The following RARB variants were observed in gnomAD, a reference collection of about 807,000 sequenced individuals.
RARB encodes the protein HBV-activated protein.
A neutral mutation model predicts 51.9 loss-of-function variants in RARB; 17 were observed. That is an observed-to-expected ratio of 0.33 (90% CI 0.22 to 0.49). RARB has a LOEUF of 0.49. Ranked by LOEUF, RARB falls within the 20% of genes least tolerant of loss-of-function variation. The probability of loss-of-function intolerance (pLI) is 0.99; values close to 1 mark genes in which losing one functional copy is unlikely to be tolerated. For missense variants in RARB, 369 were observed against 550.8 expected (o/e 0.67, Z 3.30); for synonymous variants, 215 against 195.4 (o/e 1.10, Z -0.84).
intron 2 of RARB, among the ~76,000 whole-genome samples, chr3:25,496,657 A>G (rs1328256185): frequency 1.3e-5 from 2 of 152,232 alleles, no homozygotes; most frequent in African/African-American, 4.8e-5. Context: ...TTTAAGTATC[A>G]TCCTTGAATA....
At chr3:25,361,313 T>C (rs777720771) in intron 5 of RARB, among the ~76,000 whole-genome samples, 7 of 151,084 alleles carry the variant, frequency 4.6e-5, no homozygotes, top group Non-Finnish European at 8.8e-5. Flanking sequence ...TCTTGTGCTA[T>C]GTTTTTCAGC....
chr3:25,548,398 G>A lies in RARB; in HGVS notation c.449-21360G>A, dbSNP rs530603865. 3.3e-5 allele frequency among the ~76,000 whole-genome samples: 5 copies of A among 152,070 alleles called. No individual in the cohort carries two copies. In the South Asian group the frequency reaches 1.0e-3, roughly 32 times the overall value. On this transcript the variant is annotated intron_variant, in intron 3 of 7. Transcript: ENST00000330688. Reference sequence around the variant, plus strand: ...AATCTAATTTTCAATGTCATTTAATGTACTCTATTCAAGGTTATAATAGAT... The same window carrying A: ...AATCTAATTTTCAATGTCATTTAATATACTCTATTCAAGGTTATAATAGAT...
chr3:25,415,128 A>G (rs532229625), intron 5 of RARB, among the ~76,000 whole-genome samples: 28 of 152,132 alleles, frequency 1.8e-4, no homozygotes, highest in African/African-American at 6.5e-4. Context: ...GCTTTGCACT[A>G]TTTTTATCCT....
At chr3:25,301,381 G>A (rs1277467714) in intron 5 of RARB, among the ~76,000 whole-genome samples, 1 of 152,110 alleles carries the variant, frequency 6.6e-6, no homozygotes, top group African/African-American at 2.4e-5. Flanking sequence ...GGCAGCCCTA[G>A]GGCACTGTTG....
intron 4 of RARB, among the ~76,000 whole-genome samples, chr3:25,147,963 A>C (rs1340359575): frequency 2.0e-5 from 3 of 152,236 alleles, no homozygotes; most frequent in African/African-American, 7.2e-5. Flanking sequence ...AGGTAGGAAA[A>C]TATTGGAGGG....
rs1212536640 is a variant in RARB at position 24,958,258 on chromosome 3, T to TTG, written c.-380+99507_-380+99508insGT. On this transcript the variant is annotated intron_variant, in intron 2 of 11. Transcript: ENST00000383772. ...TGAAGCTTCCTGAGCTGCTCAGGTT[T>TTG]TTTTTTTTTTTTTTTTTTTTTTTTT... Among the ~76,000 whole-genome samples, 160 of 69,784 alleles carry TTG rather than the reference T, an allele frequency of 2.3e-3. 3 individuals carry two copies. Among genetic ancestry groups the TTG allele is most frequent in the African/African-American group, 0.014 (146 of 10,628 alleles). The allele number at this position is 69,784 out of a possible 152,430, so 45.8% of individuals were successfully genotyped here.
chr3:24,947,837 C>T (rs1200084965), intron 2 of RARB, among the ~76,000 whole-genome samples: 1 of 152,042 alleles, frequency 6.6e-6, no homozygotes, highest in Non-Finnish European at 1.5e-5. Context: ...GACTCTGGCC[C>T]AATTATTTAG....
intron 1 of RARB, among the ~76,000 whole-genome samples, chr3:25,458,606 G>A (rs1163528605): frequency 6.6e-6 from 1 of 152,134 alleles, no homozygotes; most frequent in Non-Finnish European, 1.5e-5. Context: ...TGCTGCCACT[G>A]TGCCAACTTA....
chr3:25,297,063 T>C (rs1164392605), intron 5 of RARB, among the ~76,000 whole-genome samples: 2 of 152,174 alleles, frequency 1.3e-5, no homozygotes, highest in Non-Finnish European at 2.9e-5. Context: ...AAGACCGAAG[T>C]CTTTTATCTG....
chr3:25,047,460 GA>G (rs1353607493), intron 2 of RARB, among the ~76,000 whole-genome samples: 1 of 152,076 alleles, frequency 6.6e-6, no homozygotes, highest in African/African-American at 2.4e-5. Context: ...CTGTGAAAAA[GA>G]AAAGGAGTTT....
At chr3:25,069,709 G>C (rs1043171753) in intron 3 of RARB, among the ~76,000 whole-genome samples, 2 of 152,292 alleles carry the variant, frequency 1.3e-5, no homozygotes, top group East Asian at 3.9e-4. Context: ...GAAAGCGGAG[G>C]GGGAGGCAGG....
chr3:25,441,378 C>T (rs1322457307), intron 1 of RARB: 8 of 253,614 alleles, frequency 3.2e-5, no homozygotes, highest in Non-Finnish European at 5.7e-5. Context: ...CGTATAAAGC[C>T]TAATTTCACG....
At chr3:25,581,204 T>C (rs1373540383) in intron 5 of RARB, among the ~76,000 whole-genome samples, 2 of 152,144 alleles carry the variant, frequency 1.3e-5, no homozygotes, top group African/African-American at 2.4e-5. Context: ...TGTGCTTAAT[T>C]ATAGTAACTG....
chr3:24,969,948 A>G (rs546359653), intron 2 of RARB, among the ~76,000 whole-genome samples: 1 of 152,112 alleles, frequency 6.6e-6, no homozygotes, highest in Non-Finnish European at 1.5e-5. Flanking sequence ...CTTAGATTGG[A>G]TAGGACACTA....
chr3:25,166,297 A>G (rs538118234), intron 4 of RARB, among the ~76,000 whole-genome samples: 39 of 152,164 alleles, frequency 2.6e-4, no homozygotes, highest in Non-Finnish European at 5.4e-4. Context: ...ACTTCTTTAC[A>G]TCCATGTTTC....
chr3:24,917,770 G>A (rs1445063540), intron 2 of RARB, among the ~76,000 whole-genome samples: 1 of 152,172 alleles, frequency 6.6e-6, no homozygotes, highest in Non-Finnish European at 1.5e-5. Flanking sequence ...CAGGTGATCT[G>A]CCTCCTTCGG....
chr3:25,021,852 C>A (rs952402855), intron 2 of RARB, among the ~76,000 whole-genome samples: 1 of 152,134 alleles, frequency 6.6e-6, no homozygotes, highest in African/African-American at 2.4e-5. Flanking sequence ...CACATAGGTC[C>A]TTTGCTTCCC....
chr3:25,346,653 G>A (rs1398774096), intron 5 of RARB, among the ~76,000 whole-genome samples: 2 of 152,286 alleles, frequency 1.3e-5, no homozygotes, highest in South Asian at 2.1e-4. Flanking sequence ...AATTAATCAG[G>A]AAGCTCGAAG....
At chr3:25,084,525 A>T (rs950202809) in intron 3 of RARB, among the ~76,000 whole-genome samples, 1 of 86,398 alleles carries the variant, frequency 1.2e-5, no homozygotes. Context: ...TACGTATTGG[A>T]TTCTTTACAC....
Sources: allele counts gnomAD v4.1 joint callset (sites outside exome capture counted in the v4.1 genomes callset), GRCh38; gene constraint gnomAD v4.1.1; transcripts MANE v1.5; gene names NCBI Gene and HGNC (gene_info 2026-07-23, HGNC 2026-07-21).